NSD3: variants seen among roughly 807,000 people sequenced by gnomAD.
NSD3 encodes histone-lysine N-methyltransferase NSD3.
A neutral mutation model predicts 160.8 loss-of-function variants in NSD3; 24 were observed. That is an observed-to-expected ratio of 0.15 (90% CI 0.11 to 0.21). The LOEUF is 0.21. Among genes scored for constraint, NSD3 ranks in the 10% least tolerant of loss-of-function variants. The pLI is 1.00. For synonymous variants in NSD3, 520 were observed against 600.0 expected, an observed-to-expected ratio of 0.87 and a Z score of 1.95; for missense variants, 1,157 against 1,735.9, an observed-to-expected ratio of 0.67 and a Z score of 5.93.
At position 38,321,082 on chromosome 8, in the gene NSD3, T is replaced by C; in HGVS notation, c.1799A>G (p.Lys600Arg). ...ATGTAGGAAGCCAACCTGCTCCTTTTTGATCTTCTTCTTTGGCACAACCTC... is the reference window on the plus strand; with the variant it reads ...ATGTAGGAAGCCAACCTGCTCCTTTCTGATCTTCTTCTTTGGCACAACCTC... Reference protein sequence around the residue: ...STEVVPKKKIKKEQVETVPQA... With the variant: ...STEVVPKKKIRKEQVETVPQA... The change falls in exon 8 of 24, where the codon AAA becomes AGA. Residue 600 changes from lysine (K) to arginine (R), a missense_variant. Transcript: ENST00000317025. The surrounding 1 kb of genome is among the most constrained non-coding windows in gnomAD (Gnocchi z 4.7). The C allele has an allele frequency of 1.2e-6, 2 of 1,613,392 alleles. No individual in the cohort carries two copies. Among genetic ancestry groups the C allele is most frequent in the Non-Finnish European group, 1.7e-6 (2 of 1,179,868 alleles).
chr8:38,333,861 G>T (rs564197301), intron 4 of NSD3, among the ~76,000 whole-genome samples: 1 of 151,868 alleles, frequency 6.6e-6, no homozygotes, highest in African/African-American at 2.4e-5. Context: ...GCGACAGAGC[G>T]AGACTCCGTC....
At position 38,290,651 on chromosome 8, in the gene NSD3, G is replaced by A. The variant is rs1483997744; in HGVS notation, c.2942C>T (p.Pro981Leu). ...CTGGATGTTCAGTGGCACAGACCTG[G>A]GGTTGCAGATCTCTGCTGGCCACCA... ...YRWWPAEICN[P>L]RSVPLNIQGL... Residue 981 changes from proline (P) to leucine (L), a missense_variant, in exon 17 of 24, where the codon CCC becomes CTC. Physicochemically the swap from Pro to Leu is moderately conservative, Grantham distance 98. Around this residue, in one of 10 missense-constraint regions of NSD3, gnomAD observed 437 missense variants for 576.6 expected, o/e 0.76. Coordinates refer to ENST00000317025, the MANE Select transcript of NSD3 (RefSeq NM_023034.2). 1 of 1,613,836 alleles carries A rather than the reference G, an allele frequency of 6.2e-7. No homozygotes were observed. The highest frequency in any genetic ancestry group is 1.7e-5 in the Admixed American group (1 of 60,004).
intron 1 of NSD3, among the ~76,000 whole-genome samples, chr8:38,364,389 C>A (rs1388970906): frequency 6.6e-6 from 1 of 152,156 alleles, no homozygotes; most frequent in Non-Finnish European, 1.5e-5. Flanking sequence ...ACAATTTGTC[C>A]CTGGACAACC....
Position 38,316,246 on chromosome 8 carries a change from TATC to T in NSD3, c.1856-207_1856-205del, listed in dbSNP as rs1453324473. On this transcript the variant is annotated intron_variant, in intron 9 of 23. Transcript: ENST00000317025. The surrounding 1 kb of genome is among the most constrained non-coding windows in gnomAD (Gnocchi z 4.5). Reference sequence around the variant, plus strand: ...TGACTGATTTAATTTACAACCGCTCTATCAAAACATTTAATTCAGTTCTCCTCT... The same window carrying T: ...TGACTGATTTAATTTACAACCGCTCTAAAACATTTAATTCAGTTCTCCTCT... 6.6e-6 allele frequency among the ~76,000 whole-genome samples: 1 copy of T among 152,204 alleles called. No homozygotes were observed. The highest frequency in any genetic ancestry group is 1.5e-5 in the Non-Finnish European group (1 of 68,038).
intron 19 of NSD3, among the ~76,000 whole-genome samples, chr8:38,286,329 A>C (rs1246202070): frequency 6.6e-6 from 1 of 152,116 alleles, no homozygotes; most frequent in East Asian, 1.9e-4. Context: ...ACCCCAAAAC[A>C]AAAACAACTG....
At chr8:38,381,051 TGAAA>T (rs1350882959) in intron 1 of NSD3, among the ~76,000 whole-genome samples, 2 of 152,132 alleles carry the variant, frequency 1.3e-5, no homozygotes, top group Non-Finnish European at 2.9e-5. Context: ...TCTCTAGCCT[TGAAA>T]GAAAGACACA....
At chr8:38,336,611 T>C (rs971142086) in intron 4 of NSD3, among the ~76,000 whole-genome samples, 4 of 152,200 alleles carry the variant, frequency 2.6e-5, no homozygotes, top group African/African-American at 9.7e-5. Flanking sequence ...ATAAAAATGT[T>C]CAAAGAAGGC....
chr8:38,282,120 G>A (rs776879481), intron 19 of NSD3, among the ~76,000 whole-genome samples: 33 of 152,154 alleles, frequency 2.2e-4, no homozygotes, highest in Non-Finnish European at 1.0e-4. Flanking sequence ...CCAGAAAACC[G>A]ACATTGGTAT....
In NSD3 at chr8:38,295,948, T is replaced by C; in HGVS notation, c.2763A>G (p.Gly921=). Reference sequence around the variant, plus strand: ...GGCACGATTCACAGCAGAGCAATCTTCCACCTTGAAACAAATAAACAGTCT... The same window carrying C: ...GGCACGATTCACAGCAGAGCAATCTCCCACCTTGAAACAAATAAACAGTCT... ...SASKKKCEKG[G]RLLCCESCPA... is the part of the protein sequence containing the mutation. The change falls in exon 16 of 24, where the codon GGA becomes GGG. Residue 921 remains glycine, a synonymous_variant. Transcript: ENST00000317025. The C allele has an allele frequency of 6.2e-7, 1 of 1,609,392 alleles. No homozygotes were observed. Among genetic ancestry groups the C allele is most frequent in the South Asian group, 1.1e-5 (1 of 90,084 alleles).
Position 38,316,562 on chromosome 8 carries a change from A to G in NSD3, c.1856-520T>C. 9.5e-7 allele frequency: 1 copy of G among 1,050,280 alleles called. No individual in the cohort carries two copies. Among genetic ancestry groups the G allele is most frequent in the Admixed American group, 5.4e-5 (1 of 18,402 alleles). The allele number at this position is 1,050,280 out of a possible 1,614,324, so 65.1% of individuals were successfully genotyped here. A position where few individuals can be genotyped will look rare whatever the true frequency, so the allele number is the denominator to read the frequency against. ...CAGTTGATTATTGCCCCCCAATAAAATTTGGATGTTCATAATTGTTCATCT... is the reference window on the plus strand; with the variant it reads ...CAGTTGATTATTGCCCCCCAATAAAGTTTGGATGTTCATAATTGTTCATCT... On this transcript the variant is annotated intron_variant, in intron 9 of 23. Coordinates refer to ENST00000317025, the MANE Select transcript of NSD3 (RefSeq NM_023034.2). This position sits in a 1 kb window ranked among gnomAD's most constrained non-coding sequence, Gnocchi z 4.5.
intron 19 of NSD3, 107 bp from the exon 20 acceptor site, chr8:38,281,690 A>G: frequency 1.7e-6 from 1 of 584,454 alleles, no homozygotes. Context: ...CTGAAAATAT[A>G]ACTTCAACCC....
At chr8:38,336,252 C>T (rs950586880) in intron 4 of NSD3, 1 of 152,150 alleles carries the variant, frequency 6.6e-6, no homozygotes, top group African/African-American at 2.4e-5. Flanking sequence ...AAGTTAACAC[C>T]CAGAAGTAAG....
At chr8:38,311,734 T>C (rs149425932) in intron 12 of NSD3, among the ~76,000 whole-genome samples, 37 of 152,344 alleles carry the variant, frequency 2.4e-4, no homozygotes, top group African/African-American at 8.4e-4. Flanking sequence ...ATTCTGAGGG[T>C]TGCCTTTACA....
chr8:38,356,413 A>C (rs1364275246), intron 1 of NSD3, among the ~76,000 whole-genome samples: 1 of 152,206 alleles, frequency 6.6e-6, no homozygotes. Flanking sequence ...GTTGAAAAAA[A>C]CAAAAACAGG....
At chr8:38,381,446 T>TC (rs1257886921) in intron 1 of NSD3, 1 of 151,232 alleles carries the variant, frequency 6.6e-6, no homozygotes. Context: ...ATGCAACTCT[T>TC]CTCCCCTTTC....
At chr8:38,287,306 C>G (rs1459265424) in intron 19 of NSD3, among the ~76,000 whole-genome samples, 2 of 152,030 alleles carry the variant, frequency 1.3e-5, no homozygotes, top group East Asian at 3.8e-4. Context: ...AAATATGGTA[C>G]ATTTTACTAT....
intron 21 of NSD3, 64 bp from the exon 22 acceptor site, chr8:38,278,476 C>T (rs1808664515): frequency 4.4e-6 from 6 of 1,367,642 alleles, no homozygotes; most frequent in African/African-American, 1.5e-5. Flanking sequence ...CTCTCACAGG[C>T]ACACTCCCCT....
chr8:38,294,050 T>C (rs1432807976), intron 16 of NSD3, among the ~76,000 whole-genome samples: 2 of 151,866 alleles, frequency 1.3e-5, no homozygotes, highest in Non-Finnish European at 2.9e-5. Context: ...GATAAATATA[T>C]GCCTCAAAAT....
At chr8:38,314,582 G>A in intron 12 of NSD3, 65 bp downstream of exon 12, 1 of 1,603,160 alleles carries the variant, frequency 6.2e-7, no homozygotes, top group Non-Finnish European at 8.5e-7. Flanking sequence ...AGGAGAGGTT[G>A]TCAGTGCACA....
Sources: allele counts gnomAD v4.1 joint callset (sites outside exome capture counted in the v4.1 genomes callset), GRCh38; gene constraint gnomAD v4.1.1; regional missense constraint gnomAD v4.1.1; non-coding constraint Gnocchi (gnomAD v3.1); transcripts MANE v1.5; gene names NCBI Gene and HGNC (gene_info 2026-07-23, HGNC 2026-07-21).